The following ST8SIA5 variants were observed in gnomAD, a reference collection of about 807,000 sequenced individuals.
ST8SIA5 encodes alpha-2,8-sialyltransferase 8E.
A neutral mutation model predicts 40.2 loss-of-function variants in ST8SIA5; 24 were observed. The ratio of observed to expected loss-of-function variants is 0.60; its 90% confidence interval spans 0.43 to 0.84. ST8SIA5 has a LOEUF of 0.84. Among genes scored for constraint, ST8SIA5 ranks in the 40% least tolerant of loss-of-function variants. The pLI is 0.00. For missense variants in ST8SIA5, 465 were observed against 498.5 expected, an observed-to-expected ratio of 0.93 and a Z score of 0.64; for synonymous variants, 198 against 201.8, an observed-to-expected ratio of 0.98 and a Z score of 0.16.
At chr18:46,752,714 G>A (rs1434596705) in intron 1 of ST8SIA5, among the ~76,000 whole-genome samples, 1 of 152,202 alleles carries the variant, frequency 6.6e-6, no homozygotes, top group Non-Finnish European at 1.5e-5. Flanking sequence ...CATTTGCTCT[G>A]GGCTGTCGCT....
At chr18:46,691,903 G>A (rs2039509052) in intron 3 of ST8SIA5, 1 of 490,370 alleles carries the variant, frequency 2.0e-6, no homozygotes, top group African/African-American at 1.9e-5. Context: ...CCTCAGCTGT[G>A]TACTGGAGAT....
intron 1 of ST8SIA5, among the ~76,000 whole-genome samples, chr18:46,722,011 G>A (rs987778475): frequency 3.9e-5 from 6 of 152,174 alleles, no homozygotes; most frequent in African/African-American, 1.4e-4. Flanking sequence ...ATGCATGTCG[G>A]GAGAAGGCCA....
Position 46,676,261 on chromosome 18 carries a change from C to T in ST8SIA5, c.*3781G>A, listed in dbSNP as rs1348078336. 7 of 152,202 alleles carry T rather than the reference C, an allele frequency of 4.6e-5. No individual in the cohort carries two copies. The allele number at this position is 152,202 out of a possible 1,614,324, so 9.4% of individuals were successfully genotyped here. On this transcript the variant is annotated 3_prime_UTR_variant, in exon 7 of 7. Coordinates refer to ENST00000315087, the MANE Select transcript of ST8SIA5 (RefSeq NM_013305.6). Reference sequence around the variant, plus strand: ...AGACTGGATTTGATAGTGTTCAGCACAACCAGCTCCCACGTACGTTTGTGG... The same window carrying T: ...AGACTGGATTTGATAGTGTTCAGCATAACCAGCTCCCACGTACGTTTGTGG...
chr18:46,690,613 CTTT>C (rs34766517), intron 3 of ST8SIA5, among the ~76,000 whole-genome samples: 1 of 117,004 alleles, frequency 8.5e-6, no homozygotes, highest in Non-Finnish European at 1.7e-5. Flanking sequence ...GCTGCTGAGA[CTTT>C]TTTTTTTTTT....
At chr18:46,689,118 G>T in intron 3 of ST8SIA5, 199 bp from the exon 4 acceptor site, 1 of 517,978 alleles carries the variant, frequency 1.9e-6, no homozygotes, top group Non-Finnish European at 3.2e-6. Context: ...GCATGGAGCC[G>T]AGGCCTCTCC....
chr18:46,680,470 C>T lies in ST8SIA5; in HGVS notation c.703G>A (p.Val235Met), dbSNP rs371266233. The T allele has an allele frequency of 1.9e-6, 3 of 1,598,644 alleles. No individual in the cohort carries two copies. Among genetic ancestry groups the T allele is most frequent in the Non-Finnish European group, 1.7e-6 (2 of 1,171,100 alleles). The change falls in exon 7 of 7, where the codon GTG (valine) becomes ATG (methionine). Residue 235 changes from valine to methionine, a missense_variant. Physicochemically the swap from Val to Met is conservative, Grantham distance 21 (BLOSUM62 1). Transcript: ENST00000315087. The part of the protein sequence containing the change: ...LEKWRRPFYR[V>M]LQVYENASVL... ...GACGCGTTCTCGTACACCTGCAGCA[C>T]GCGATAGAACGGCCGCCGCCACTTC...
intron 1 of ST8SIA5, among the ~76,000 whole-genome samples, chr18:46,746,227 C>A (rs1302865602): frequency 6.6e-6 from 1 of 151,976 alleles, no homozygotes; most frequent in African/African-American, 2.4e-5. Flanking sequence ...GGCATTCAGG[C>A]AAGAGAAAGA....
chr18:46,749,752 C>T (rs767633373), intron 1 of ST8SIA5, among the ~76,000 whole-genome samples: 6 of 152,222 alleles, frequency 3.9e-5, no homozygotes, highest in African/African-American at 7.2e-5. Flanking sequence ...TGAATTGTTA[C>T]GGACTAAATA....
intron 1 of ST8SIA5, among the ~76,000 whole-genome samples, chr18:46,719,704 TTCTC>T (rs1555696464): frequency 1.1e-4 from 16 of 143,980 alleles, no homozygotes; most frequent in South Asian, 4.6e-4. Flanking sequence ...CTTTCTTTCT[TTCTC>T]TCTTTCTTTC....
rs117478354 is a variant in ST8SIA5 at position 46,738,419 on chromosome 18, C to A, written c.131+17959G>T. Among the ~76,000 whole-genome samples the A allele has an allele frequency of 1.1e-3, 162 of 152,166 alleles. No individual in the cohort carries two copies. In the East Asian group the frequency reaches 0.014, roughly 13 times the overall value. On this transcript the variant is annotated intron_variant, in intron 1 of 6. Coordinates refer to ENST00000315087, the MANE Select transcript of ST8SIA5 (RefSeq NM_013305.6). ...GGTCAGAGCCAGGATTAGAGGAAGGCCAGCAAGGCACCCAGCACACAACAT... is the reference window on the plus strand; with the variant it reads ...GGTCAGAGCCAGGATTAGAGGAAGGACAGCAAGGCACCCAGCACACAACAT...
At chr18:46,688,315 T>C (rs764009508) in intron 4 of ST8SIA5, among the ~76,000 whole-genome samples, 11 of 152,224 alleles carry the variant, frequency 7.2e-5, no homozygotes, top group Admixed American at 2.0e-4. Flanking sequence ...AATAAGGAGA[T>C]TGAGGCTTTG....
intron 3 of ST8SIA5, 121 bp from the exon 4 acceptor site, chr18:46,689,040 C>T (rs570545365): frequency 1.2e-4 from 152 of 1,246,322 alleles, no homozygotes; most frequent in African/African-American, 4.4e-4. Flanking sequence ...ACCTATCCCA[C>T]GCTTGCCCCC....
intron 1 of ST8SIA5, among the ~76,000 whole-genome samples, chr18:46,711,752 G>A (rs572454597): frequency 7.2e-5 from 11 of 152,190 alleles, no homozygotes; most frequent in South Asian, 6.2e-4. Context: ...TAACAACTGC[G>A]GGTCACAGCT....
rs148495308 is a variant in ST8SIA5, at chr18:46,680,336, C to T, written c.837G>A (p.Pro279=). The change falls in exon 7 of 7, where the codon CCG becomes CCA. Residue 279 remains proline, a synonymous_variant. Coordinates refer to ENST00000315087, the MANE Select transcript of ST8SIA5 (RefSeq NM_013305.6). ...ESPQAVYYFH[P]QYLVNVSRYW... ...AGCGCGACACGTTGACCAGGTACTG[C>T]GGATGGAAGTAGTAGACAGCTTGCG... The T allele has an allele frequency of 3.8e-5, 61 of 1,614,220 alleles. No individual in the cohort carries two copies. In the African/African-American group the frequency reaches 5.7e-4, roughly 15 times the overall value.
rs369501802 is a variant in ST8SIA5, at chr18:46,719,616, TC to T, written c.132-14953del. Among the ~76,000 whole-genome samples, 67 of 151,300 alleles carry T rather than the reference TC, an allele frequency of 4.4e-4. 1 individual carries two copies. The highest frequency in any genetic ancestry group is 1.5e-3 in the African/African-American group (63 of 41,290). ...TGGAGACATCTGCCAAGAAACAGCT[TC>T]CCAGGGGCCCGTCGGTCCGCCTTGC... is the stretch of plus-strand genomic sequence containing the variant. On this transcript the variant is annotated intron_variant, in intron 1 of 6. Coordinates refer to ENST00000315087, the MANE Select transcript of ST8SIA5 (RefSeq NM_013305.6).
chr18:46,686,816 CAAAAAA>C (rs752731256), intron 4 of ST8SIA5, among the ~76,000 whole-genome samples: 2 of 120,994 alleles, frequency 1.7e-5, no homozygotes, highest in East Asian at 2.3e-4. Flanking sequence ...CAGAGAAAGG[CAAAAAA>C]AAAAAAAAAA....
intron 2 of ST8SIA5, among the ~76,000 whole-genome samples, chr18:46,697,302 A>G (rs766555614): frequency 6.6e-6 from 1 of 152,142 alleles, no homozygotes; most frequent in Non-Finnish European, 1.5e-5. Context: ...TGAGACCAAG[A>G]TAACCCATCA....
chr18:46,686,284 G>A lies in ST8SIA5; in HGVS notation c.459C>T (p.Asp153=). The stretch of plus-strand genomic sequence containing the variant: ...TAAACTGGGACCGGTAGTAGGGCAT[G>A]TCCTGGGGGAGGCACAGGCACAGCT... ...NQEIFRMFPK[D]MPYYRSQFKK... Residue 153 remains aspartate, a splice_region_variant and synonymous_variant, in exon 5 of 7, where the codon GAC becomes GAT. Coordinates refer to ENST00000315087, the MANE Select transcript of ST8SIA5 (RefSeq NM_013305.6). 6.2e-7 allele frequency: 1 copy of A among 1,614,040 alleles called. No homozygotes were observed. Among genetic ancestry groups the A allele is most frequent in the African/African-American group, 1.3e-5 (1 of 75,026 alleles).
rs1466265026 is a variant in ST8SIA5 at position 46,669,837 on chromosome 18, G to A, written c.*10205C>T. 2 of 152,132 alleles carry A rather than the reference G, an allele frequency of 1.3e-5. No individual in the cohort carries two copies. The allele number at this position is 152,132 out of a possible 1,614,324, so 9.4% of individuals were successfully genotyped here. On this transcript the variant is annotated 3_prime_UTR_variant, in exon 7 of 7. Transcript: ENST00000315087. ...CTATAATCCCAGCACTTTGGGAGGA[G>A]GAGGTGGGCGAATCACGAGGTCAGG...
Sources: allele counts gnomAD v4.1 joint callset (sites outside exome capture counted in the v4.1 genomes callset), GRCh38; gene constraint gnomAD v4.1.1; transcripts MANE v1.5; gene names NCBI Gene and HGNC (gene_info 2026-07-23, HGNC 2026-07-21).